Variants in CCDC102B observed in about 807,000 individuals in gnomAD.
CCDC102B encodes coiled-coil domain containing 102B.
Under a neutral mutation model 57.4 loss-of-function variants are expected in CCDC102B, and 75 were observed. The observed-to-expected ratio is 1.31, with a 90% CI of 1.08 to 1.58. The LOEUF (loss-of-function observed/expected upper bound fraction) is 1.58. Among genes scored for constraint, CCDC102B ranks in the 40% most tolerant of loss-of-function variants. CCDC102B has a pLI of 0.00. For synonymous variants in CCDC102B, 206 were observed against 201.9 expected, an observed-to-expected ratio of 1.02 and a Z score of -0.17; for missense variants, 636 against 582.6, an observed-to-expected ratio of 1.09 and a Z score of -0.94.
Position 68,838,887 on chromosome 18 carries a change from A to C in CCDC102B, c.788A>C (p.His263Pro), listed in dbSNP as rs1004507767. Residue 263 changes from histidine (H) to proline (P), a missense_variant, in exon 3 of 8, where the codon CAT becomes CCT. By Grantham distance (77) the His-to-Pro change is moderately conservative (BLOSUM62 -2). Coordinates refer to ENST00000360242, the MANE Select transcript of CCDC102B (RefSeq NM_024781.3). ...ACTGAAATTTCAGCTTTGCAGGTGC[A>C]TTTGGATGAATTCCAAAAAATCTTA... ...EVTEISALQVHLDEFQKILWK... is the reference protein window; with the variant it reads ...EVTEISALQVPLDEFQKILWK... 4 of 1,613,844 alleles carry C rather than the reference A, an allele frequency of 2.5e-6. No individual in the cohort carries two copies. Among genetic ancestry groups the C allele is most frequent in the African/African-American group, 1.3e-5 (1 of 74,922 alleles).
intron 4 of CCDC102B, among the ~76,000 whole-genome samples, chr18:68,848,046 A>T (rs750040962): frequency 2.6e-5 from 4 of 151,808 alleles, no homozygotes; most frequent in Non-Finnish European, 5.9e-5. Flanking sequence ...AAAAATGTTT[A>T]AAAACTAAAC....
intron 2 of CCDC102B, chr18:68,838,317 A>G (rs1451942987): frequency 1.3e-6 from 1 of 749,212 alleles, no homozygotes; most frequent in Non-Finnish European, 1.6e-6. Context: ...TCTTTCAAAA[A>G]TGTTAAAAAA....
chr18:68,879,884 A>G (rs555179616), intron 5 of CCDC102B, among the ~76,000 whole-genome samples: 1 of 152,328 alleles, frequency 6.6e-6, no homozygotes. Flanking sequence ...GGGGCTAGAC[A>G]TAAAGGTTCT....
intron 2 of CCDC102B, among the ~76,000 whole-genome samples, chr18:68,722,838 G>T (rs1421157378): frequency 6.6e-6 from 1 of 151,432 alleles, no homozygotes; most frequent in African/African-American, 2.4e-5. Flanking sequence ...GTTCTCATGA[G>T]CCTCCAGCAC....
At chr18:68,832,065 G>T in intron 1 of CCDC102B, among the ~76,000 whole-genome samples, 1 of 151,436 alleles carries the variant, frequency 6.6e-6, no homozygotes. Context: ...ACTGCAAATG[G>T]CTTTTGTTAT....
chr18:69,050,287 A>G (rs1044467614), intron 7 of CCDC102B, among the ~76,000 whole-genome samples: 11 of 152,198 alleles, frequency 7.2e-5, no homozygotes, highest in Non-Finnish European at 1.6e-4. Flanking sequence ...ACCCTTGTTG[A>G]AAACTTCTAA....
chr18:69,026,372 C>T (rs571162906), intron 7 of CCDC102B, among the ~76,000 whole-genome samples: 134 of 149,738 alleles, frequency 8.9e-4, no homozygotes, highest in Middle Eastern at 6.8e-3. Flanking sequence ...GAGGCTGAGG[C>T]AGGAGAATCG....
At chr18:68,760,858 A>G (rs932670188) in intron 2 of CCDC102B, among the ~76,000 whole-genome samples, 1 of 152,114 alleles carries the variant, frequency 6.6e-6, no homozygotes, top group East Asian at 1.9e-4. Context: ...AAAACTTTTC[A>G]GGATAGCTAG....
chr18:68,891,659 T>C (rs1449614953), intron 5 of CCDC102B, among the ~76,000 whole-genome samples: 2 of 152,188 alleles, frequency 1.3e-5, no homozygotes, highest in African/African-American at 2.4e-5. Flanking sequence ...TCTGGTGAGG[T>C]CTCTTTTCTG....
At chr18:69,018,688 T>C (rs952780609) in intron 7 of CCDC102B, among the ~76,000 whole-genome samples, 10 of 152,194 alleles carry the variant, frequency 6.6e-5, no homozygotes, top group Admixed American at 5.9e-4. Flanking sequence ...TTATAAGTTA[T>C]ATGGCTTGAA....
At chr18:69,046,646 T>C (rs1279065092) in intron 7 of CCDC102B, among the ~76,000 whole-genome samples, 4 of 152,200 alleles carry the variant, frequency 2.6e-5, no homozygotes, top group Non-Finnish European at 2.9e-5. Flanking sequence ...GCTTTTGGCA[T>C]CTTTGTCATG....
Position 68,798,479 on chromosome 18 carries a change from C to T in CCDC102B, c.-16+298C>T, listed in dbSNP as rs550786578. The stretch of plus-strand genomic sequence containing the variant: ...TAAGAATTTCGACTCTACATTTAGA[C>T]AGTAATAGTATATGTTGATATTAAA... On this transcript the variant is annotated intron_variant, in intron 1 of 7. Coordinates refer to ENST00000360242, the MANE Select transcript of CCDC102B (RefSeq NM_024781.3). 5 of 152,200 alleles carry T rather than the reference C, an allele frequency of 3.3e-5. No homozygotes were observed. The East Asian group carries it at 9.7e-4, about 29-fold the overall frequency. 9.4% of individuals were successfully genotyped at this position (152,200 alleles called of 1,614,324 possible).
chr18:68,726,164 A>G (rs2145193981), intron 2 of CCDC102B, among the ~76,000 whole-genome samples: 1 of 152,356 alleles, frequency 6.6e-6, no homozygotes, highest in East Asian at 1.9e-4. Flanking sequence ...ACCTGAAGGT[A>G]TAATTGGTAT....
intron 2 of CCDC102B, among the ~76,000 whole-genome samples, chr18:68,726,569 A>C (rs984755500): frequency 1.8e-4 from 28 of 152,226 alleles, no homozygotes; most frequent in Non-Finnish European, 3.5e-4. Context: ...ACTATTAAAC[A>C]AGCTAAAGGT....
intron 6 of CCDC102B, among the ~76,000 whole-genome samples, chr18:68,998,141 C>T (rs1472159962): frequency 6.6e-6 from 1 of 151,640 alleles, no homozygotes; most frequent in Non-Finnish European, 1.5e-5. Flanking sequence ...CAGTGTTTGC[C>T]ATAGTATGAG....
intron 6 of CCDC102B, among the ~76,000 whole-genome samples, chr18:68,993,957 A>G (rs1413008368): frequency 1.3e-5 from 2 of 152,194 alleles, no homozygotes; most frequent in African/African-American, 2.4e-5. Flanking sequence ...TTTTATATCT[A>G]TATAAATATC....
chr18:68,820,839 G>C (rs2036664015), intron 1 of CCDC102B, among the ~76,000 whole-genome samples: 1 of 152,126 alleles, frequency 6.6e-6, no homozygotes, highest in Admixed American at 6.6e-5. Flanking sequence ...GTGGAAGATA[G>C]AGTAATCAAA....
At chr18:69,018,226 G>A (rs1001715076) in intron 7 of CCDC102B, among the ~76,000 whole-genome samples, 10 of 152,212 alleles carry the variant, frequency 6.6e-5, no homozygotes, top group Middle Eastern at 3.4e-3. Context: ...ACACACATGC[G>A]TATATACACA....
chr18:69,001,279 C>T lies in CCDC102B; in HGVS notation c.1264-9655C>T, dbSNP rs571154985. 2.6e-4 allele frequency among the ~76,000 whole-genome samples: 40 copies of T among 151,080 alleles called. No individual in the cohort carries two copies. In the South Asian group the frequency reaches 7.6e-3, roughly 29 times the overall value. ...GTGTACCTCTTCTTTAACTTACCTC[C>T]GACATAATCCTTTCCAAGTAGAGTA... On this transcript the variant is annotated intron_variant, in intron 6 of 7. Coordinates refer to ENST00000360242, the MANE Select transcript of CCDC102B (RefSeq NM_024781.3).
Sources: allele counts gnomAD v4.1 joint callset (sites outside exome capture counted in the v4.1 genomes callset), GRCh38; gene constraint gnomAD v4.1.1; transcripts MANE v1.5; gene names NCBI Gene and HGNC (gene_info 2026-07-23, HGNC 2026-07-21).